Variants in SMG6 observed in about 807,000 individuals in gnomAD.
SMG6 encodes telomerase-binding protein EST1A.
Under a neutral mutation model 142.2 loss-of-function variants are expected in SMG6, and 66 were observed. That is an observed-to-expected ratio of 0.46 (90% CI 0.38 to 0.57). SMG6 has a LOEUF of 0.57. Ranked by LOEUF, SMG6 falls within the 20% of genes least tolerant of loss-of-function variation. The pLI, the probability that SMG6 is intolerant of heterozygous loss-of-function variation, is 0.00. For synonymous variants in SMG6, 779 were observed against 702.4 expected (o/e 1.11, Z -1.72); for missense variants, 1,793 against 1,832.0 (o/e 0.98, Z 0.39).
intron 10 of SMG6, among the ~76,000 whole-genome samples, chr17:2,226,804 C>T (rs766304821): frequency 2.0e-5 from 3 of 150,202 alleles, no homozygotes; most frequent in Non-Finnish European, 4.4e-5. Flanking sequence ...GGCTGAGGCA[C>T]GAGAATTGTT....
intron 13 of SMG6, among the ~76,000 whole-genome samples, chr17:2,172,386 C>G (rs2071531921): frequency 6.6e-6 from 1 of 151,722 alleles, no homozygotes. Flanking sequence ...AGAGCACTGC[C>G]AACACAAGCT....
At chr17:2,269,290 C>T (rs954149827) in intron 8 of SMG6, among the ~76,000 whole-genome samples, 25 of 150,916 alleles carry the variant, frequency 1.7e-4, no homozygotes, top group Non-Finnish European at 4.4e-5. Flanking sequence ...ACTTGGCAGG[C>T]TGAGGCATGA....
intron 8 of SMG6, among the ~76,000 whole-genome samples, 162 bp downstream of exon 8, chr17:2,282,485 T>A (rs1016586729): frequency 6.6e-6 from 1 of 150,418 alleles, no homozygotes; most frequent in Non-Finnish European, 1.5e-5. Context: ...ATAATAAAGA[T>A]AAAGGAAGCG....
intron 8 of SMG6, among the ~76,000 whole-genome samples, chr17:2,278,452 G>A (rs1288129877): frequency 6.6e-6 from 1 of 152,030 alleles, no homozygotes; most frequent in African/African-American, 2.4e-5. Flanking sequence ...TGATTGGCCC[G>A]CTTCGGCCTC....
intron 13 of SMG6, among the ~76,000 whole-genome samples, chr17:2,100,237 C>T (rs2068968997): frequency 1.3e-5 from 2 of 152,124 alleles, no homozygotes; most frequent in African/African-American, 4.8e-5. Context: ...GAGGTTTTGC[C>T]ATGTTGGCCA....
In SMG6 at chr17:2,188,447, A is replaced by C. The variant is rs1343368564; in HGVS notation, c.2938T>G (p.Ser980Ala). 1.2e-6 allele frequency: 2 copies of C among 1,614,122 alleles called. No individual in the cohort carries two copies. The highest frequency in any genetic ancestry group is 1.7e-6 in the Non-Finnish European group (2 of 1,180,014). The change falls in exon 11 of 19, where the codon TCT (serine) becomes GCT (alanine). Residue 980 changes from serine to alanine, a missense_variant. Ser to Ala is a moderately conservative substitution (Grantham distance 99). Coordinates refer to ENST00000263073, the MANE Select transcript of SMG6 (RefSeq NM_017575.5). ...QAAALGLAMF[S>A]LLVRRCTCLL... ...CAGGTGCAGCGGCGGACCAGTAGAGAAAACATGGCCAAGCCCAGAGCTGCG... is the reference window on the plus strand; with the variant it reads ...CAGGTGCAGCGGCGGACCAGTAGAGCAAACATGGCCAAGCCCAGAGCTGCG...
intron 10 of SMG6, among the ~76,000 whole-genome samples, chr17:2,207,213 A>G (rs556379759): frequency 6.6e-6 from 1 of 152,056 alleles, no homozygotes; most frequent in African/African-American, 2.4e-5. Context: ...ACTTGAACTC[A>G]GGAAGCAGTG....
intron 10 of SMG6, among the ~76,000 whole-genome samples, chr17:2,230,145 C>G (rs1567701141): frequency 8.0e-6 from 1 of 125,562 alleles, no homozygotes; most frequent in Non-Finnish European, 1.6e-5. Context: ...GAGATCGTGC[C>G]ACTGCACTCC....
intron 8 of SMG6, among the ~76,000 whole-genome samples, chr17:2,277,230 G>A (rs1282183863): frequency 5.0e-5 from 7 of 141,256 alleles, no homozygotes; most frequent in African/African-American, 1.1e-4. Flanking sequence ...GCAGTGGCGC[G>A]ATCTCGGCTC....
intron 13 of SMG6, among the ~76,000 whole-genome samples, chr17:2,172,275 G>C (rs998930293): frequency 6.6e-6 from 1 of 151,906 alleles, no homozygotes; most frequent in Non-Finnish European, 1.5e-5. Flanking sequence ...AAAAGCCCTG[G>C]CTGTTTTCCT....
In SMG6 at chr17:2,060,282, C is replaced by T. The variant is rs2067735022; in HGVS notation, c.*1210G>A. 1 of 152,258 alleles carries T rather than the reference C, an allele frequency of 6.6e-6. No individual in the cohort carries two copies. The highest frequency in any genetic ancestry group is 2.4e-5 in the African/African-American group (1 of 41,440). The allele number at this position is 152,258 out of a possible 1,614,324, so 9.4% of individuals were successfully genotyped here. A position where few individuals can be genotyped will look rare whatever the true frequency, so the allele number is the denominator to read the frequency against. ...AACTCATTCTTGGTAAGGAAGCCTC[C>T]CCACTGAGGTACCAGCTAAAGGGGC... On this transcript the variant is annotated 3_prime_UTR_variant, in exon 19 of 19. Transcript: ENST00000263073.
intron 9 of SMG6, chr17:2,236,952 A>G (rs191307420): frequency 1.6e-6 from 1 of 612,770 alleles, no homozygotes; most frequent in East Asian, 9.0e-5. Flanking sequence ...TCAAGCTAAT[A>G]TCAAAGTTTC....
At chr17:2,202,202 T>C (rs1344216615) in intron 10 of SMG6, among the ~76,000 whole-genome samples, 1 of 152,148 alleles carries the variant, frequency 6.6e-6, no homozygotes, top group African/African-American at 2.4e-5. Flanking sequence ...GATAAATAAA[T>C]TGTGGTATAT....
In SMG6 at chr17:2,161,473, G is replaced by A. The variant is rs148995997; in HGVS notation, c.3357+11185C>T. 4.0e-3 allele frequency among the ~76,000 whole-genome samples: 607 copies of A among 151,006 alleles called. 1 individual carries two copies. Among genetic ancestry groups the A allele is most frequent in the African/African-American group, 0.014 (569 of 41,038 alleles). On this transcript the variant is annotated intron_variant, in intron 13 of 18. Coordinates refer to ENST00000263073, the MANE Select transcript of SMG6 (RefSeq NM_017575.5). ...GTCACCCGGGCTGGAGTGCAATGGT[G>A]CGACCTCGGCTCACTAATCTTCAGG...
chr17:2,281,758 CTT>C (rs919358878), intron 8 of SMG6, among the ~76,000 whole-genome samples: 5 of 152,192 alleles, frequency 3.3e-5, no homozygotes, highest in African/African-American at 1.2e-4. Flanking sequence ...CTAGCCCCAG[CTT>C]ACACCACCCA....
Position 2,085,348 on chromosome 17 carries a change from G to A in SMG6, c.3534+377C>T, listed in dbSNP as rs918966632. ...CCAGCAATGTCAGCTCTTCCTGTAC[G>A]TGTGCTGGAGGCTGGAGTTCAGGCC... On this transcript the variant is annotated intron_variant, in intron 14 of 18. Coordinates refer to ENST00000263073, the MANE Select transcript of SMG6 (RefSeq NM_017575.5). This position sits in a 1 kb window ranked among gnomAD's most constrained non-coding sequence, Gnocchi z 4.1. 2.0e-5 allele frequency among the ~76,000 whole-genome samples: 3 copies of A among 152,176 alleles called. No homozygotes were observed. The highest frequency in any genetic ancestry group is 7.2e-5 in the African/African-American group (3 of 41,440).
rs1228634665 is a variant in SMG6 at position 2,164,210 on chromosome 17, G to A, written c.3357+8448C>T. Among the ~76,000 whole-genome samples, 5 of 151,908 alleles carry A rather than the reference G, an allele frequency of 3.3e-5. No individual in the cohort carries two copies. The Middle Eastern group carries it at 0.014, about 413-fold the overall frequency. On this transcript the variant is annotated intron_variant, in intron 13 of 18. Transcript: ENST00000263073. ...GGTGGAGGCGGGCAAATCACTTGAG[G>A]TCAGGAGTTTGAGACCAGCTTGGCC...
chr17:2,206,841 CTG>C (rs2072696206), intron 10 of SMG6, among the ~76,000 whole-genome samples: 1 of 151,138 alleles, frequency 6.6e-6, no homozygotes, highest in African/African-American at 2.4e-5. Context: ...TGAACTGAAA[CTG>C]TGCCAGTACA....
At chr17:2,190,502 T>C (rs2072126868) in intron 10 of SMG6, among the ~76,000 whole-genome samples, 1 of 152,208 alleles carries the variant, frequency 6.6e-6, no homozygotes, top group African/African-American at 2.4e-5. Flanking sequence ...TCTGTATTTA[T>C]GACAAATGGC....
Sources: gnomAD v4.1 joint callset for allele counts (sites outside exome capture counted in the v4.1 genomes callset) on GRCh38, gnomAD v4.1.1 for gene constraint, Gnocchi (gnomAD v3.1) non-coding constraint, MANE v1.5 for transcripts, NCBI Gene and HGNC (gene_info 2026-07-23, HGNC 2026-07-21) for gene names.